Variants in AGBL4 observed in about 807,000 individuals in gnomAD.
AGBL4 encodes cytosolic carboxypeptidase 6.
AGBL4 carries 58 observed loss-of-function variants against 66.4 expected under a neutral mutation model. That is an observed-to-expected ratio of 0.87 (90% CI 0.71 to 1.09). The LOEUF is 1.09. Among genes scored for constraint, AGBL4 ranks in the 50% least tolerant of loss-of-function variants. The probability of loss-of-function intolerance (pLI) is 0.00; values close to 1 mark genes in which losing one functional copy is unlikely to be tolerated. For missense variants in AGBL4, 579 were observed against 631.0 expected (o/e 0.92, Z 0.88); for synonymous variants, 234 against 222.9 (o/e 1.05, Z -0.44).
rs541559945 is a variant in AGBL4, at chr1:48,847,005, A to G, written c.634+20186T>C. 4.2e-5 allele frequency among the ~76,000 whole-genome samples: 6 copies of G among 141,350 alleles called. 1 individual carries two copies. The South Asian group carries it at 1.3e-3, about 30-fold the overall frequency. The allele number at this position is 141,350 out of a possible 152,430, so 92.7% of individuals were successfully genotyped here. A position where few individuals can be genotyped will look rare whatever the true frequency, so the allele number is the denominator to read the frequency against. On this transcript the variant is annotated intron_variant, in intron 6 of 13. Transcript: ENST00000371839. The stretch of plus-strand genomic sequence containing the variant: ...TTGAAACAAAAACAAAAACAAAAAC[A>G]AAAAAACGAACTTGGCTGGGCCTGG...
intron 1 of AGBL4, among the ~76,000 whole-genome samples, chr1:49,863,759 T>C (rs1158242482): frequency 6.6e-6 from 1 of 152,054 alleles, no homozygotes; most frequent in Non-Finnish European, 1.5e-5. Context: ...ATGGCTAATA[T>C]CAAAAAGACA....
At chr1:49,738,756 C>T (rs999735653) in intron 2 of AGBL4, among the ~76,000 whole-genome samples, 9 of 152,214 alleles carry the variant, frequency 5.9e-5, no homozygotes, top group African/African-American at 1.9e-4. Flanking sequence ...CCAATATCTG[C>T]TGTTCTGCAG....
intron 5 of AGBL4, among the ~76,000 whole-genome samples, chr1:49,022,542 T>C (rs1022386275): frequency 1.3e-5 from 2 of 152,078 alleles, no homozygotes; most frequent in African/African-American, 4.8e-5. Context: ...AAGACTTCTC[T>C]GGCTAATGGG....
intron 1 of AGBL4, among the ~76,000 whole-genome samples, chr1:49,954,876 T>C (rs1160401612): frequency 6.6e-6 from 1 of 151,916 alleles, no homozygotes; most frequent in Non-Finnish European, 1.5e-5. Flanking sequence ...CATGAGGCTA[T>C]ACCTACTACA....
chr1:49,845,018 A>G, intron 2 of AGBL4: 1 of 1,439,456 alleles, frequency 6.9e-7, no homozygotes, highest in Non-Finnish European at 9.5e-7. Flanking sequence ...ACACGTGGAA[A>G]AAGGGAGAAG....
At chr1:49,508,812 G>A (rs918893908) in intron 3 of AGBL4, among the ~76,000 whole-genome samples, 2 of 151,918 alleles carry the variant, frequency 1.3e-5, no homozygotes, top group Admixed American at 6.6e-5. Flanking sequence ...ATGGCTAATA[G>A]TTTCCTTCTT....
chr1:48,666,520 A>G (rs889019482), intron 6 of AGBL4, among the ~76,000 whole-genome samples: 4 of 152,230 alleles, frequency 2.6e-5, no homozygotes, highest in Admixed American at 2.6e-4. Flanking sequence ...CATCCTTAGC[A>G]TGCACGTGCA....
chr1:49,135,982 T>A (rs770513172), intron 4 of AGBL4, among the ~76,000 whole-genome samples: 19 of 152,186 alleles, frequency 1.2e-4, no homozygotes, highest in Non-Finnish European at 2.5e-4. Context: ...TTTTCTCCTG[T>A]AGGCTTTTCT....
chr1:49,185,892 A>G (rs1404573124), intron 4 of AGBL4, among the ~76,000 whole-genome samples: 1 of 152,040 alleles, frequency 6.6e-6, no homozygotes, highest in Non-Finnish European at 1.5e-5. Flanking sequence ...CTGTGTCCCA[A>G]TGCCAGGCAA....
At chr1:49,267,773 A>G (rs1296751110) in intron 3 of AGBL4, among the ~76,000 whole-genome samples, 1 of 152,206 alleles carries the variant, frequency 6.6e-6, no homozygotes. Context: ...CCTCACAATC[A>G]TGGTAGAAGG....
rs1014856950 is a variant in AGBL4, at chr1:49,399,617, A to G, written c.283-153753T>C. ...TCAGCAGTGTTGAGCATCTTTTCAT[A>G]TAACTTTTTTCCACTTGTATGTCTT... On this transcript the variant is annotated intron_variant, in intron 3 of 13. Coordinates refer to ENST00000371839, the MANE Select transcript of AGBL4 (RefSeq NM_032785.4). Among the ~76,000 whole-genome samples, 5 of 152,110 alleles carry G rather than the reference A, an allele frequency of 3.3e-5. No individual in the cohort carries two copies. In the South Asian group the frequency reaches 6.2e-4, roughly 19 times the overall value.
chr1:49,596,112 G>A (rs1376192364), intron 3 of AGBL4, among the ~76,000 whole-genome samples: 1 of 152,132 alleles, frequency 6.6e-6, no homozygotes, highest in Non-Finnish European at 1.5e-5. Flanking sequence ...TCATCCACAG[G>A]CAATGTGTCT....
chr1:48,874,574 G>GA (rs1377980368), intron 5 of AGBL4, among the ~76,000 whole-genome samples: 1 of 151,930 alleles, frequency 6.6e-6, no homozygotes, highest in Non-Finnish European at 1.5e-5. Context: ...TGTGTTATTT[G>GA]AAAAAATAGT....
rs532775095 is a variant in AGBL4, at chr1:48,754,392, C to T, written c.635-91151G>A. Reference sequence around the variant, plus strand: ...AAAAGGCACTCTGTCTTGTTCATTACGTTATTCCCAGCACCTAACCCAGTC... The same window carrying T: ...AAAAGGCACTCTGTCTTGTTCATTATGTTATTCCCAGCACCTAACCCAGTC... On this transcript the variant is annotated intron_variant, in intron 6 of 13. Coordinates refer to ENST00000371839, the MANE Select transcript of AGBL4 (RefSeq NM_032785.4). Among the ~76,000 whole-genome samples the T allele has an allele frequency of 5.3e-5, 8 of 152,274 alleles. No homozygotes were observed. In the South Asian group the frequency reaches 8.3e-4, roughly 16 times the overall value.
intron 1 of AGBL4, among the ~76,000 whole-genome samples, chr1:49,857,064 T>C (rs1646453093): frequency 6.6e-6 from 1 of 150,842 alleles, no homozygotes; most frequent in African/African-American, 2.4e-5. Context: ...ATGTAAATCA[T>C]AACTATTTCT....
chr1:49,532,063 C>G (rs1651182885), intron 3 of AGBL4, among the ~76,000 whole-genome samples: 1 of 152,016 alleles, frequency 6.6e-6, no homozygotes, highest in Non-Finnish European at 1.5e-5. Context: ...TGTTAGTTCC[C>G]CTTCATCATA....
chr1:49,917,228 C>T (rs948384366), intron 1 of AGBL4, among the ~76,000 whole-genome samples: 1 of 152,062 alleles, frequency 6.6e-6, no homozygotes, highest in Non-Finnish European at 1.5e-5. Flanking sequence ...CAAATTCACA[C>T]ATAACAATAT....
At chr1:49,964,071 T>C (rs766089006) in intron 1 of AGBL4, among the ~76,000 whole-genome samples, 5 of 152,174 alleles carry the variant, frequency 3.3e-5, no homozygotes, top group Non-Finnish European at 7.4e-5. Flanking sequence ...TTGTTCTCTA[T>C]ATTAAAATTT....
At chr1:48,743,173 A>G (rs575478606) in intron 6 of AGBL4, among the ~76,000 whole-genome samples, 23 of 152,240 alleles carry the variant, frequency 1.5e-4, no homozygotes, top group Admixed American at 1.4e-3. Context: ...TACAGTGGAG[A>G]AGGCCGTAAC....
Sources: allele counts gnomAD v4.1 joint callset (sites outside exome capture counted in the v4.1 genomes callset), GRCh38; gene constraint gnomAD v4.1.1; transcripts MANE v1.5; gene names NCBI Gene and HGNC (gene_info 2026-07-23, HGNC 2026-07-21).